The following MAB21L4 variants were observed in gnomAD, a reference collection of about 807,000 sequenced individuals.
MAB21L4 encodes mab-21 like 4.
MAB21L4 carries 25 observed loss-of-function variants against 32.4 expected under a neutral mutation model. The observed-to-expected ratio is 0.77, with a 90% CI of 0.56 to 1.08. The LOEUF is 1.08. Ranked by LOEUF, MAB21L4 falls within the 50% of genes least tolerant of loss-of-function variation. The probability of loss-of-function intolerance (pLI) is 0.00; values close to 1 mark genes in which losing one functional copy is unlikely to be tolerated. For missense variants in MAB21L4, 638 were observed against 611.0 expected, an observed-to-expected ratio of 1.04 and a Z score of -0.47; for synonymous variants, 280 against 276.8, an observed-to-expected ratio of 1.01 and a Z score of -0.11.
At position 240,890,106 on chromosome 2, in the gene MAB21L4, G is replaced by T; in HGVS notation, c.793C>A (p.Gln265Lys). Residue 265 changes from glutamine (Q) to lysine (K), a missense_variant, in exon 3 of 5, where the codon CAG becomes AAG. By Grantham distance (53) the Gln-to-Lys change is moderately conservative. Coordinates refer to ENST00000388934, the MANE Select transcript of MAB21L4 (RefSeq NM_001085437.3). ...TRLLGELGSL[Q>K]GHRLDSLSIL... is the part of the protein sequence containing the mutation. The stretch of plus-strand genomic sequence containing the variant: ...GAGAGGCTGTCCAGGCGATGACCCT[G>T]CAGGGAGCCCAGCTCCCCCAGCAGC... 6.2e-7 allele frequency: 1 copy of T among 1,612,612 alleles called. No homozygotes were observed. The highest frequency in any genetic ancestry group is 8.5e-7 in the Non-Finnish European group (1 of 1,179,310).
At chr2:240,893,421 C>T (rs552604341) in intron 1 of MAB21L4, among the ~76,000 whole-genome samples, 1 of 152,372 alleles carries the variant, frequency 6.6e-6, no homozygotes, top group South Asian at 2.1e-4. Flanking sequence ...CCATGCAGCA[C>T]TTGAGGTGCC....
chr2:240,887,307 C>CAG, intron 4 of MAB21L4, 145 bp from the exon 5 acceptor site: 1 of 664,364 alleles, frequency 1.5e-6, no homozygotes, highest in Non-Finnish European at 2.6e-6. Flanking sequence ...CCTGGACAGG[C>CAG]ATCCTAGAGG....
At position 240,891,589 on chromosome 2, in the gene MAB21L4, C is replaced by G. The variant is rs2059150204; in HGVS notation, c.689G>C (p.Arg230Thr). 1.2e-6 allele frequency: 2 copies of G among 1,610,352 alleles called. No individual in the cohort carries two copies. The highest frequency in any genetic ancestry group is 2.7e-5 in the African/African-American group (2 of 74,918). ...MPGFPEGSLR[R>T]ILSQGVDLVP... ...CAGGTCCACCCCTTGGCTGAGGATC[C>G]TTCTCAAGCTGCCCTCAGGGAATCC... is the stretch of plus-strand genomic sequence containing the variant. Residue 230 changes from arginine to threonine, a missense_variant, in exon 2 of 5, where the codon AGG (arginine) becomes ACG (threonine). Arg to Thr is a moderately conservative substitution (Grantham distance 71). Transcript: ENST00000388934.
Position 240,895,809 on chromosome 2 carries a change from A to G in MAB21L4, c.189T>C (p.Arg63=). 1.2e-6 allele frequency: 2 copies of G among 1,601,280 alleles called. No homozygotes were observed. Among genetic ancestry groups the G allele is most frequent in the South Asian group, 1.1e-5 (1 of 89,776 alleles). ...LDPRFIVDYS[R]GLEAFQFALR... is the part of the protein sequence containing the mutation. ...GGGCGAACTGGAAGGCCTCCAGGCCACGGGAGTAGTCCACGATGAAGCGGG... is the reference window on the plus strand; with the variant it reads ...GGGCGAACTGGAAGGCCTCCAGGCCGCGGGAGTAGTCCACGATGAAGCGGG... Residue 63 remains arginine (R), a synonymous_variant, in exon 1 of 5, where the codon CGT becomes CGC. Transcript: ENST00000388934.
chr2:240,895,489 G>A lies in MAB21L4; in HGVS notation c.509C>T (p.Ala170Val), dbSNP rs2059179761. 6.4e-7 allele frequency: 1 copy of A among 1,552,524 alleles called. No homozygotes were observed. Among genetic ancestry groups the A allele is most frequent in the Non-Finnish European group, 8.7e-7 (1 of 1,143,000 alleles). Residue 170 changes from alanine to valine, a missense_variant, in exon 1 of 5, where the codon GCA (alanine) becomes GTA (valine). Coordinates refer to ENST00000388934, the MANE Select transcript of MAB21L4 (RefSeq NM_001085437.3). ...AGAGTGGGCTGTGCCTGTACCTGGT[G>A]CGATGAGACTGTGGTGCTTGCAGTG... ...IVHCKHHSLI[A>V]PGSLNAASLR...
In MAB21L4 at chr2:240,891,544, A is replaced by AGCTGGGC; in HGVS notation, c.727_733dup (p.Leu245ArgfsTer9). The stretch of plus-strand genomic sequence containing the variant: ...ACCAGGAGGGTGCGCCTACCTCCAG[A>AGCTGGGC]GCTGGGCGCTGGCCGGCACCAGGTC... On this transcript the variant is annotated frameshift_variant, in exon 2 of 5. Transcript: ENST00000388934. LOFTEE classifies it high-confidence loss of function. The AGCTGGGC allele has an allele frequency of 6.2e-7, 1 of 1,609,140 alleles. No homozygotes were observed. Among genetic ancestry groups the AGCTGGGC allele is most frequent in the Non-Finnish European group, 8.5e-7 (1 of 1,178,720 alleles).
In MAB21L4 at chr2:240,890,029, G is replaced by A. The variant is rs369380286; in HGVS notation, c.870C>T (p.Asp290=). The change falls in exon 3 of 5, where the codon GAC becomes GAT. Residue 290 remains aspartate (D), a synonymous_variant. Coordinates refer to ENST00000388934, the MANE Select transcript of MAB21L4 (RefSeq NM_001085437.3). ...CCTTCAGGTGGCCAAAGGTCAGGCC[G>A]TCAGTCTGGCCACTGTCACGCCAGC... ...HESWRDSGQT[D]GLTFGHLKMV... is the part of the protein sequence containing the mutation. 2.7e-5 allele frequency: 44 copies of A among 1,612,262 alleles called. No individual in the cohort carries two copies. Among genetic ancestry groups the A allele is most frequent in the Admixed American group, 1.2e-4 (7 of 59,972 alleles).
At chr2:240,895,090 C>T (rs949409951) in intron 1 of MAB21L4, among the ~76,000 whole-genome samples, 2 of 152,204 alleles carry the variant, frequency 1.3e-5, no homozygotes, top group African/African-American at 2.4e-5. Flanking sequence ...GCAAGAGAGC[C>T]GCCTGCCCAG....
At chr2:240,892,093 A>C in intron 1 of MAB21L4, 3 of 1,398,004 alleles carry the variant, frequency 2.1e-6, no homozygotes, top group East Asian at 2.6e-5. Context: ...CTCACCCCAC[A>C]CCCCAGGACC....
At position 240,895,909 on chromosome 2, in the gene MAB21L4, G is replaced by T; in HGVS notation, c.89C>A (p.Ala30Glu). Residue 30 changes from alanine to glutamate, a missense_variant, in exon 1 of 5, where the codon GCG becomes GAG. Ala to Glu is a moderately radical substitution (Grantham distance 107). Coordinates refer to ENST00000388934, the MANE Select transcript of MAB21L4 (RefSeq NM_001085437.3). The stretch of plus-strand genomic sequence containing the variant: ...GCGCTGGAAGTCCTGGGCACGCGGC[G>T]CCTCCCGGGACCGGATGGCCTGCAG... ...HYLQAIRSRE[A>E]PRAQDFQRAE... 1 of 1,522,566 alleles carries T rather than the reference G, an allele frequency of 6.6e-7. No individual in the cohort carries two copies. The highest frequency in any genetic ancestry group is 8.8e-7 in the Non-Finnish European group (1 of 1,134,666). The allele number at this position is 1,522,566 out of a possible 1,614,324, so 94.3% of individuals were successfully genotyped here.
chr2:240,895,424 A>G, intron 1 of MAB21L4, 60 bp downstream of exon 1: 1 of 1,431,812 alleles, frequency 7.0e-7, no homozygotes, highest in Admixed American at 2.4e-5. Context: ...GCACACAGAC[A>G]CCCACACAGC....
rs2106436872 is a variant in MAB21L4, at chr2:240,888,368, A to G, written c.1175T>C (p.Leu392Pro). ...GGCTGGCAGCTGCAGGAGCGCCTTG[A>G]GCCCGGAGCCGATGCGCGGCGGGGG... is the stretch of plus-strand genomic sequence containing the variant. ...RSPPPRIGSGLKALLQLPASD... is the reference protein window; with the variant it reads ...RSPPPRIGSGPKALLQLPASD... Residue 392 changes from leucine (L) to proline (P), a missense_variant, in exon 4 of 5, where the codon CTC becomes CCC. Leu to Pro is a moderately conservative substitution (Grantham distance 98, BLOSUM62 -3). Coordinates refer to ENST00000388934, the MANE Select transcript of MAB21L4 (RefSeq NM_001085437.3). 1 of 1,570,742 alleles carries G rather than the reference A, an allele frequency of 6.4e-7. No homozygotes were observed. The highest frequency in any genetic ancestry group is 1.9e-5 in the Admixed American group (1 of 53,750).
chr2:240,892,023 T>C (rs372473865), intron 1 of MAB21L4: 2 of 1,490,900 alleles, frequency 1.3e-6, no homozygotes, highest in African/African-American at 1.4e-5. Context: ...GCTCAGCGAC[T>C]TGCAGCACCA....
rs1480937164 is a variant in MAB21L4 at position 240,886,116 on chromosome 2, C to G, written c.*954G>C. ...TACAGGAAGCATGGCTGGGAGGCCT[C>G]AGGAAACTGACAATCATGGTGGAAG... On this transcript the variant is annotated 3_prime_UTR_variant, in exon 5 of 5. Coordinates refer to ENST00000388934, the MANE Select transcript of MAB21L4 (RefSeq NM_001085437.3). 6.5e-6 allele frequency: 1 copy of G among 153,978 alleles called. No individual in the cohort carries two copies. Among genetic ancestry groups the G allele is most frequent in the African/African-American group, 2.4e-5 (1 of 41,436 alleles). 9.5% of individuals were successfully genotyped at this position (153,978 alleles called of 1,614,324 possible).
intron 2 of MAB21L4, 148 bp downstream of exon 2, chr2:240,891,390 G>A: frequency 1.4e-6 from 1 of 727,718 alleles, no homozygotes. Flanking sequence ...AGAGACCCCA[G>A]TAATCTCAGT....
At chr2:240,893,587 G>C (rs904335778) in intron 1 of MAB21L4, among the ~76,000 whole-genome samples, 1 of 152,204 alleles carries the variant, frequency 6.6e-6, no homozygotes, top group Non-Finnish European at 1.5e-5. Flanking sequence ...TCCCAGGGTG[G>C]GGGCAGCCTG....
chr2:240,896,571 T>G (rs1227178887), upstream of MAB21L4, among the ~76,000 whole-genome samples: 1 of 152,100 alleles, frequency 6.6e-6, no homozygotes, highest in Non-Finnish European at 1.5e-5. Flanking sequence ...GACCCCGCTG[T>G]GGGGGAGCCC....
rs745958994 is a variant in MAB21L4, at chr2:240,888,314, T to A, written c.1229A>T (p.Tyr410Phe). ...ASDPTYWATAYFDVLLDKFQV... is the reference protein window; with the variant it reads ...ASDPTYWATAFFDVLLDKFQV... ...CACCTTGTCCAGCAGGACGTCGAAG[T>A]AGGCAGTGGCCCAGTAAGTGGGGTC... The change falls in exon 4 of 5, where the codon TAC becomes TTC. Residue 410 changes from tyrosine to phenylalanine, a missense_variant. Coordinates refer to ENST00000388934, the MANE Select transcript of MAB21L4 (RefSeq NM_001085437.3). 6.3e-7 allele frequency: 1 copy of A among 1,577,508 alleles called. No homozygotes were observed. The highest frequency in any genetic ancestry group is 2.3e-5 in the East Asian group (1 of 43,498).
At position 240,887,029 on chromosome 2, in the gene MAB21L4, T is replaced by C. The variant is rs2106435837; in HGVS notation, c.*41A>G. On this transcript the variant is annotated 3_prime_UTR_variant, in exon 5 of 5. Transcript: ENST00000388934. ...TCCCATGGTGCAGTGCAGAGTCTGT[T>C]GGGGAGCCAAGAACAGGTGGCTGAG... 2 of 1,491,614 alleles carry C rather than the reference T, an allele frequency of 1.3e-6. No individual in the cohort carries two copies. The highest frequency in any genetic ancestry group is 1.9e-6 in the Non-Finnish European group (2 of 1,069,070). 92.4% of individuals were successfully genotyped at this position (1,491,614 alleles called of 1,614,324 possible). A position where few individuals can be genotyped will look rare whatever the true frequency, so the allele number is the denominator to read the frequency against.
Sources: allele counts gnomAD v4.1 joint callset (sites outside exome capture counted in the v4.1 genomes callset), GRCh38; gene constraint gnomAD v4.1.1; transcripts MANE v1.5; gene names NCBI Gene and HGNC (gene_info 2026-07-23, HGNC 2026-07-21).